The following HCN1 variants were observed in gnomAD, a reference collection of about 807,000 sequenced individuals.
The protein encoded by HCN1 is potassium/sodium hyperpolarization-activated cyclic nucleotide-gated channel 1.
In HCN1, 13 loss-of-function variants were observed where a neutral mutation model predicts 78.9. The ratio of observed to expected loss-of-function variants is 0.16; its 90% confidence interval spans 0.11 to 0.26. HCN1 has a LOEUF of 0.26. Among genes scored for constraint, HCN1 ranks in the 10% least tolerant of loss-of-function variants. The pLI, the probability that HCN1 is intolerant of heterozygous loss-of-function variation, is 1.00. For synonymous variants in HCN1, 552 were observed against 455.5 expected (o/e 1.21, Z -2.70); for missense variants, 810 against 1,154.3 (o/e 0.70, Z 4.32).
intron 6 of HCN1, among the ~76,000 whole-genome samples, chr5:45,269,058 A>G (rs536006777): frequency 3.9e-5 from 6 of 152,386 alleles, no homozygotes; most frequent in East Asian, 3.9e-4. Flanking sequence ...ATGAGAAGCC[A>G]CATACTGTGT....
intron 2 of HCN1, among the ~76,000 whole-genome samples, chr5:45,608,357 A>ATGTGTGTATGTG (rs1554035536): frequency 1.4e-5 from 2 of 140,514 alleles, no homozygotes; most frequent in East Asian, 4.3e-4. Flanking sequence ...GGATGGGTGT[A>ATGTGTGTATGTG]TGTGTGTGTG....
chr5:45,314,676 A>T (rs1745939224), intron 5 of HCN1, among the ~76,000 whole-genome samples: 1 of 152,184 alleles, frequency 6.6e-6, no homozygotes, highest in Non-Finnish European at 1.5e-5. Flanking sequence ...GACCCATCTC[A>T]CATGCAGAGA....
intron 2 of HCN1, among the ~76,000 whole-genome samples, chr5:45,543,571 G>T (rs1363970774): frequency 6.6e-6 from 1 of 151,988 alleles, no homozygotes; most frequent in Non-Finnish European, 1.5e-5. Flanking sequence ...TAAATTTGCT[G>T]TTTTTGCTTA....
chr5:45,564,363 C>T (rs1743665363), intron 2 of HCN1, among the ~76,000 whole-genome samples: 1 of 151,900 alleles, frequency 6.6e-6, no homozygotes, highest in Non-Finnish European at 1.5e-5. Context: ...TGTGTTCACG[C>T]CATTCTCCTG....
At chr5:45,577,875 T>A (rs1381899165) in intron 2 of HCN1, among the ~76,000 whole-genome samples, 1 of 152,042 alleles carries the variant, frequency 6.6e-6, no homozygotes, top group African/African-American at 2.4e-5. Flanking sequence ...GTTGCCTAAG[T>A]TGATATTAAT....
intron 6 of HCN1, among the ~76,000 whole-genome samples, chr5:45,289,513 A>C (rs1477148272): frequency 6.6e-6 from 1 of 152,044 alleles, no homozygotes; most frequent in East Asian, 1.9e-4. Flanking sequence ...AGTTTGCACA[A>C]CTTTATCCAA....
chr5:45,391,652 G>GATTA (rs1739562475), intron 4 of HCN1, among the ~76,000 whole-genome samples: 1 of 152,052 alleles, frequency 6.6e-6, no homozygotes, highest in Admixed American at 6.6e-5. Flanking sequence ...ACACACCCAT[G>GATTA]ATTAGCCCAA....
At chr5:45,641,355 A>G (rs572583967) in intron 2 of HCN1, among the ~76,000 whole-genome samples, 334 of 152,278 alleles carry the variant, frequency 2.2e-3, no homozygotes, top group Admixed American at 3.1e-3. Flanking sequence ...TTGTATATTA[A>G]ACTATCTCTA....
At chr5:45,371,100 A>G (rs1747345940) in intron 4 of HCN1, among the ~76,000 whole-genome samples, 1 of 152,040 alleles carries the variant, frequency 6.6e-6, no homozygotes, top group South Asian at 2.1e-4. Flanking sequence ...GATACAACAT[A>G]CCAGAATCTC....
chr5:45,623,602 A>G (rs1170139814), intron 2 of HCN1, among the ~76,000 whole-genome samples: 1 of 152,224 alleles, frequency 6.6e-6, no homozygotes, highest in East Asian at 1.9e-4. Flanking sequence ...GTTTGAAGTA[A>G]AGAATCCTAA....
intron 2 of HCN1, among the ~76,000 whole-genome samples, chr5:45,577,445 C>A (rs1743969544): frequency 6.6e-6 from 1 of 151,952 alleles, no homozygotes; most frequent in Non-Finnish European, 1.5e-5. Flanking sequence ...ACTAGTTTCA[C>A]AAATTATCAT....
At chr5:45,629,944 G>A (rs1327406668) in intron 2 of HCN1, among the ~76,000 whole-genome samples, 1 of 152,018 alleles carries the variant, frequency 6.6e-6, no homozygotes, top group Admixed American at 6.6e-5. Flanking sequence ...TCCTATTAAG[G>A]TTGAGTTCAC....
At chr5:45,362,184 G>GTA (rs1209690456) in intron 4 of HCN1, among the ~76,000 whole-genome samples, 1 of 149,324 alleles carries the variant, frequency 6.7e-6, no homozygotes, top group East Asian at 2.0e-4. Flanking sequence ...GTGTGTGTGT[G>GTA]TATCTATCTA....
chr5:45,660,495 A>G (rs898085415), intron 1 of HCN1, among the ~76,000 whole-genome samples: 5 of 150,742 alleles, frequency 3.3e-5, no homozygotes, highest in Non-Finnish European at 5.9e-5. Flanking sequence ...TGCAATTAAA[A>G]AACACAGACT....
chr5:45,401,430 T>C (rs1739800987), intron 3 of HCN1, among the ~76,000 whole-genome samples: 1 of 152,148 alleles, frequency 6.6e-6, no homozygotes, highest in African/African-American at 2.4e-5. Flanking sequence ...TATTTATTCC[T>C]AATTTATCAT....
intron 2 of HCN1, among the ~76,000 whole-genome samples, chr5:45,549,934 G>A (rs181250097): frequency 0.021 from 3,197 of 152,046 alleles, 48 homozygotes; most frequent in Non-Finnish European, 0.032. Context: ...AATGCAAATC[G>A]AAACCACAGT....
At chr5:45,644,542 C>G (rs977158378) in intron 2 of HCN1, 1 of 152,282 alleles carries the variant, frequency 6.6e-6, no homozygotes, top group Non-Finnish European at 1.5e-5. Context: ...CATTTATTCA[C>G]TATACTCTTT....
chr5:45,530,418 A>C (rs1742818466), intron 2 of HCN1, among the ~76,000 whole-genome samples: 1 of 150,288 alleles, frequency 6.7e-6, no homozygotes, highest in African/African-American at 2.4e-5. Context: ...GTTTTTATAT[A>C]TATATATATA....
At chr5:45,289,942 A>C (rs1051409894) in intron 6 of HCN1, among the ~76,000 whole-genome samples, 7 of 151,758 alleles carry the variant, frequency 4.6e-5, no homozygotes, top group African/African-American at 9.7e-5. Context: ...CTGCCTGTTT[A>C]TATTGGGGCA....
Sources: gnomAD v4.1 joint callset for allele counts (sites outside exome capture counted in the v4.1 genomes callset) on GRCh38, gnomAD v4.1.1 for gene constraint, MANE v1.5 for transcripts, NCBI Gene and HGNC (gene_info 2026-07-23, HGNC 2026-07-21) for gene names.